GLRA2: variants seen among roughly 807,000 people sequenced by gnomAD.
GLRA2 encodes glycine receptor alpha 2, also known as glycine receptor subunit alpha-2.
Under a neutral mutation model 31.6 loss-of-function variants are expected in GLRA2, and 11 were observed. That is an observed-to-expected ratio of 0.35 (90% CI 0.22 to 0.58). The LOEUF is 0.58. GLRA2 is among the 20% of genes least tolerant of loss of function. The probability of loss-of-function intolerance (pLI) is 0.84; values close to 1 mark genes in which losing one functional copy is unlikely to be tolerated. For missense variants in GLRA2, 212 were observed against 351.8 expected (o/e 0.60, Z 3.18); for synonymous variants, 132 against 134.0 (o/e 0.99, Z 0.10).
chrX:14,499,733 A>G, the GLRA2 span, among the ~76,000 whole-genome samples: 1 of 109,375 alleles, frequency 9.1e-6, no homozygotes, highest in East Asian at 2.9e-4. Context: ...GGGCTGAAAA[A>G]CCTCCTTTTG....
chrX:14,727,785 G>A (rs1243469298), intron 8 of GLRA2, among the ~76,000 whole-genome samples: 1 of 111,877 alleles, frequency 8.9e-6, no homozygotes, highest in African/African-American at 3.3e-5. Flanking sequence ...GAAGTACTCC[G>A]ATGTTAGGCT....
intron 2 of GLRA2, among the ~76,000 whole-genome samples, chrX:14,568,000 C>T (rs1465475602): frequency 5.4e-5 from 6 of 111,653 alleles, no homozygotes; most frequent in African/African-American, 2.0e-4. Context: ...GAAAAACATC[C>T]CTTATTAAGT....
chrX:14,691,324 T>C (rs796829526), intron 8 of GLRA2, among the ~76,000 whole-genome samples: 1,969 of 64,250 alleles, frequency 0.031, 24 homozygotes, highest in African/African-American at 0.05. Context: ...TGTGTGTGTG[T>C]GCGCGCGTGC....
chrX:14,506,512 C>T, the GLRA2 span, among the ~76,000 whole-genome samples: 1 of 111,660 alleles, frequency 9.0e-6, no homozygotes, highest in African/African-American at 3.3e-5. Flanking sequence ...TCCTAGGGGA[C>T]TGAACATGCC....
At chrX:14,701,252 G>A (rs1249838995) in intron 8 of GLRA2, among the ~76,000 whole-genome samples, 4 of 111,191 alleles carry the variant, frequency 3.6e-5, no homozygotes, top group African/African-American at 6.5e-5. Flanking sequence ...AGGGGAAATT[G>A]GATATGTAGG....
chrX:14,630,212 T>A (rs1045206244), intron 7 of GLRA2, among the ~76,000 whole-genome samples: 27 of 111,941 alleles, frequency 2.4e-4, no homozygotes, highest in African/African-American at 8.1e-4. Flanking sequence ...TTTTTATTGG[T>A]TATAAAATAT....
the GLRA2 span, among the ~76,000 whole-genome samples, chrX:14,460,919 C>G: frequency 1.8e-5 from 2 of 110,537 alleles, no homozygotes; most frequent in East Asian, 5.7e-4. Flanking sequence ...TGTGTTTGCT[C>G]TTGCTTCTCT....
intron 7 of GLRA2, among the ~76,000 whole-genome samples, chrX:14,682,963 G>A (rs1442131642): frequency 3.1e-4 from 34 of 111,473 alleles, no homozygotes; most frequent in African/African-American, 1.1e-3. Flanking sequence ...ATGGACATTT[G>A]AGTTGGTTCC....
At chrX:14,489,873 T>C in the GLRA2 span, among the ~76,000 whole-genome samples, 2 of 112,070 alleles carry the variant, frequency 1.8e-5, no homozygotes, top group South Asian at 7.4e-4. Flanking sequence ...TAAAACCAAA[T>C]AAAAATCCAT....
the GLRA2 span, among the ~76,000 whole-genome samples, chrX:14,455,741 T>A: frequency 8.9e-6 from 1 of 112,039 alleles, no homozygotes; most frequent in Non-Finnish European, 1.9e-5. Context: ...ATCATGAATT[T>A]GTGTTTAATT....
chrX:14,482,053 T>C, the GLRA2 span, among the ~76,000 whole-genome samples: 2 of 112,273 alleles, frequency 1.8e-5, no homozygotes, highest in African/African-American at 6.5e-5. Flanking sequence ...TTTTCAAAAA[T>C]GTGCTTTAAA....
intron 7 of GLRA2, among the ~76,000 whole-genome samples, chrX:14,624,051 A>G (rs1026296530): frequency 9.0e-6 from 1 of 111,002 alleles, no homozygotes; most frequent in Non-Finnish European, 1.9e-5. Context: ...CAGGGATTCA[A>G]CTTCTTCCTG....
At chrX:14,681,906 A>ATATAT (rs1449879160) in intron 7 of GLRA2, among the ~76,000 whole-genome samples, 11 of 39,356 alleles carry the variant, frequency 2.8e-4, no homozygotes, top group Non-Finnish European at 5.7e-4. Context: ...AAAAAAAAAA[A>ATATAT]AAAAATATAT....
chrX:14,600,929 GTAA>G (rs757265729), intron 4 of GLRA2, among the ~76,000 whole-genome samples: 14 of 109,838 alleles, frequency 1.3e-4, no homozygotes, highest in African/African-American at 4.3e-4. Flanking sequence ...TCTCATTATG[GTAA>G]TAATAATTTT....
chrX:14,467,770 G>T, the GLRA2 span, among the ~76,000 whole-genome samples: 2 of 110,078 alleles, frequency 1.8e-5, no homozygotes, highest in Non-Finnish European at 3.8e-5. Flanking sequence ...CTCTCTCATT[G>T]TTCCCCAGGT....
chrX:14,666,002 T>C (rs777555487), intron 7 of GLRA2, among the ~76,000 whole-genome samples: 17 of 111,751 alleles, frequency 1.5e-4, no homozygotes, highest in Non-Finnish European at 2.1e-4. Flanking sequence ...TATGTAGAGA[T>C]AGAATGAGTT....
At chrX:14,671,131 T>G (rs1326448584) in intron 7 of GLRA2, among the ~76,000 whole-genome samples, 2 of 112,159 alleles carry the variant, frequency 1.8e-5, no homozygotes, top group Non-Finnish European at 3.8e-5. Flanking sequence ...GCTTGAAGAA[T>G]GTTTTTTGAT....
At position 14,531,315 on chromosome X, in the gene GLRA2, C is replaced by G. The variant is rs186022813; in HGVS notation, c.69-924C>G. ...TTTCTTAGTGATAGAATTCATAAGA[C>G]ACTATTTGTTAAACTATTGAAAACA... On this transcript the variant is annotated intron_variant, in intron 1 of 8. Transcript: ENST00000218075. 2.1e-5 allele frequency: 6 copies of G among 281,409 alleles called. No homozygotes were observed. In the East Asian group the frequency reaches 6.3e-4, roughly 29 times the overall value. The allele number at this position is 281,409 out of a possible 1,213,427, so 23.2% of individuals were successfully genotyped here.
Position 14,545,400 on chromosome X carries a change from T to C in GLRA2, c.202+13028T>C, listed in dbSNP as rs142397588. Among the ~76,000 whole-genome samples, 4 of 111,335 alleles carry C rather than the reference T, an allele frequency of 3.6e-5. No individual in the cohort carries two copies. The East Asian group carries it at 1.2e-3, about 32-fold the overall frequency. ...TCCAGTGAGAACTAACCCACTCCTA[T>C]GACAATGACATTAATCCATTCATGA... is the stretch of plus-strand genomic sequence containing the variant. On this transcript the variant is annotated intron_variant, in intron 2 of 8. Coordinates refer to ENST00000218075, the MANE Select transcript of GLRA2 (RefSeq NM_002063.4).
Sources: allele counts gnomAD v4.1 joint callset (sites outside exome capture counted in the v4.1 genomes callset), GRCh38; gene constraint gnomAD v4.1.1; transcripts MANE v1.5; gene names NCBI Gene and HGNC (gene_info 2026-07-23, HGNC 2026-07-21).